The following NEGR1 variants were observed in gnomAD, a reference collection of about 807,000 sequenced individuals.
The protein encoded by NEGR1 is IgLON family member 4.
Under a neutral mutation model 40.9 loss-of-function variants are expected in NEGR1, and 10 were observed. The ratio of observed to expected loss-of-function variants is 0.24; its 90% confidence interval spans 0.15 to 0.42. The LOEUF (loss-of-function observed/expected upper bound fraction) is 0.42. Ranked by LOEUF, NEGR1 falls within the 10% of genes least tolerant of loss-of-function variation. The pLI, the probability that NEGR1 is intolerant of heterozygous loss-of-function variation, is 1.00. For missense variants in NEGR1, 352 were observed against 438.9 expected (o/e 0.80, Z 1.77); for synonymous variants, 185 against 166.8 (o/e 1.11, Z -0.84).
At chr1:71,716,315 C>G (rs1049278649) in intron 3 of NEGR1, among the ~76,000 whole-genome samples, 1 of 151,960 alleles carries the variant, frequency 6.6e-6, no homozygotes, top group African/African-American at 2.4e-5. Context: ...GACACAGAGC[C>G]AAACCATATC....
At chr1:71,966,888 G>A (rs1646214127) in intron 1 of NEGR1, among the ~76,000 whole-genome samples, 1 of 152,070 alleles carries the variant, frequency 6.6e-6, no homozygotes, top group Admixed American at 6.5e-5. Flanking sequence ...ATGCCCAAAG[G>A]ACAAGAAAAT....
At chr1:72,009,262 T>C (rs1646636039) in intron 1 of NEGR1, among the ~76,000 whole-genome samples, 1 of 152,084 alleles carries the variant, frequency 6.6e-6, no homozygotes, top group Non-Finnish European at 1.5e-5. Flanking sequence ...AAACGTGTGG[T>C]TCCTTTATTG....
Position 71,778,686 on chromosome 1 carries a change from T to G in NEGR1, c.410-2389A>C, listed in dbSNP as rs149584229. On this transcript the variant is annotated intron_variant, in intron 2 of 6. Transcript: ENST00000357731. ...AGCGACTTTACTTAATTATTTAAAA[T>G]ATAACTGATTCAAGGTTAGACAGAG... 2.5e-3 allele frequency among the ~76,000 whole-genome samples: 386 copies of G among 152,298 alleles called. 1 individual carries two copies. The highest frequency in any genetic ancestry group is 9.0e-3 in the African/African-American group (374 of 41,570).
chr1:72,057,370 G>A (rs956695816), intron 1 of NEGR1, among the ~76,000 whole-genome samples: 7 of 151,408 alleles, frequency 4.6e-5, no homozygotes, highest in African/African-American at 7.3e-5. Context: ...GTCTGTACAA[G>A]TCCATGTAGC....
At chr1:71,716,337 AG>A (rs2101648548) in intron 3 of NEGR1, among the ~76,000 whole-genome samples, 1 of 152,204 alleles carries the variant, frequency 6.6e-6, no homozygotes, top group East Asian at 1.9e-4. Flanking sequence ...CCTATCTTCT[AG>A]GGTTATCATG....
chr1:71,412,708 A>T (rs1358806782), intron 6 of NEGR1, among the ~76,000 whole-genome samples: 2 of 151,954 alleles, frequency 1.3e-5, no homozygotes, highest in Non-Finnish European at 2.9e-5. Flanking sequence ...TACCTGCTTA[A>T]TTTTTTTTGA....
intron 6 of NEGR1, among the ~76,000 whole-genome samples, chr1:71,419,806 C>T (rs563411411): frequency 3.4e-4 from 52 of 150,948 alleles, no homozygotes; most frequent in South Asian, 8.3e-4. Flanking sequence ...ACTTGTAAAA[C>T]GGGAAAATGA....
chr1:72,273,458 T>C (rs1655925051), intron 1 of NEGR1, among the ~76,000 whole-genome samples: 1 of 151,996 alleles, frequency 6.6e-6, no homozygotes, highest in Admixed American at 6.6e-5. Flanking sequence ...CCTTCCCATA[T>C]AATTTAAAAT....
intron 6 of NEGR1, among the ~76,000 whole-genome samples, chr1:71,589,642 A>T (rs996314186): frequency 1.3e-5 from 2 of 151,668 alleles, no homozygotes; most frequent in African/African-American, 4.9e-5. Flanking sequence ...GATCCTTGCA[A>T]CTCCCTTCCT....
rs574925853 is a variant in NEGR1, at chr1:71,722,774, A to G, written c.536-24635T>C. On this transcript the variant is annotated intron_variant, in intron 3 of 6. Transcript: ENST00000357731. ...AAATAACCATAATACAATAAGCTGCACACTCTTAAATGCAATTTTATAAGT... is the reference window on the plus strand; with the variant it reads ...AAATAACCATAATACAATAAGCTGCGCACTCTTAAATGCAATTTTATAAGT... 2.9e-4 allele frequency among the ~76,000 whole-genome samples: 44 copies of G among 152,238 alleles called. 1 individual carries two copies. Among genetic ancestry groups the G allele is most frequent in the Middle Eastern group, 3.4e-3 (1 of 294 alleles).
At chr1:71,507,706 T>C (rs945485060) in intron 6 of NEGR1, among the ~76,000 whole-genome samples, 7 of 152,238 alleles carry the variant, frequency 4.6e-5, no homozygotes, top group African/African-American at 1.7e-4. Context: ...TGTACCTAGA[T>C]TTGGCCTGGT....
At chr1:72,094,076 T>C (rs1413634878) in intron 1 of NEGR1, among the ~76,000 whole-genome samples, 8 of 152,184 alleles carry the variant, frequency 5.3e-5, no homozygotes, top group Admixed American at 3.3e-4. Context: ...CACTTCTTAC[T>C]GAAGTAAAAG....
intron 1 of NEGR1, among the ~76,000 whole-genome samples, chr1:72,237,632 C>T (rs1654599622): frequency 6.6e-6 from 1 of 152,000 alleles, no homozygotes; most frequent in Non-Finnish European, 1.5e-5. Context: ...TTGATGTGCA[C>T]ATATTCCAGA....
intron 4 of NEGR1, among the ~76,000 whole-genome samples, chr1:71,674,719 C>T (rs1652557113): frequency 6.6e-6 from 1 of 151,968 alleles, no homozygotes; most frequent in Admixed American, 6.6e-5. Context: ...AGATTGCTTT[C>T]AATGAACAAT....
intron 2 of NEGR1, among the ~76,000 whole-genome samples, chr1:71,810,924 C>A (rs1657978815): frequency 6.6e-6 from 1 of 152,142 alleles, no homozygotes; most frequent in Non-Finnish European, 1.5e-5. Flanking sequence ...TTCTTTATAG[C>A]AGCGCAAGAA....
At chr1:72,047,675 TTATAAGTAA>T (rs1334976441) in intron 1 of NEGR1, among the ~76,000 whole-genome samples, 2 of 151,390 alleles carry the variant, frequency 1.3e-5, no homozygotes, top group Non-Finnish European at 3.0e-5. Context: ...AATACTCCTA[TTATAAGTAA>T]TCACTCTACT....
intron 1 of NEGR1, among the ~76,000 whole-genome samples, chr1:72,101,111 T>C (rs1313708611): frequency 6.6e-6 from 1 of 152,174 alleles, no homozygotes; most frequent in Non-Finnish European, 1.5e-5. Flanking sequence ...ACAGGGGACG[T>C]ATTGCAGTCC....
At chr1:72,192,265 C>T (rs531933532) in intron 1 of NEGR1, among the ~76,000 whole-genome samples, 2 of 151,782 alleles carry the variant, frequency 1.3e-5, no homozygotes, top group Admixed American at 6.6e-5. Flanking sequence ...TGCAGCAGTG[C>T]TACTTGAGTT....
At chr1:72,131,543 T>C (rs1256442120) in intron 1 of NEGR1, among the ~76,000 whole-genome samples, 1 of 152,228 alleles carries the variant, frequency 6.6e-6, no homozygotes. Context: ...TTGAAAATTA[T>C]GTAACTGTGG....
Sources: gnomAD v4.1 joint callset for allele counts (sites outside exome capture counted in the v4.1 genomes callset) on GRCh38, gnomAD v4.1.1 for gene constraint, MANE v1.5 for transcripts, NCBI Gene and HGNC (gene_info 2026-07-23, HGNC 2026-07-21) for gene names.